The following SLC7A14 variants were observed in gnomAD, a reference collection of about 807,000 sequenced individuals.
SLC7A14 encodes the protein solute carrier family 7 member 14, also known as gamma-aminobutyric acid transporter SLC7A14.
SLC7A14 carries 37 observed loss-of-function variants against 60.2 expected under a neutral mutation model. The ratio of observed to expected loss-of-function variants is 0.61; its 90% CI spans 0.47 to 0.81. The LOEUF is 0.81. Ranked by LOEUF, SLC7A14 falls within the 30% of genes least tolerant of loss-of-function variation. SLC7A14 has a pLI of 0.00. For missense variants in SLC7A14, 886 were observed against 982.7 expected (o/e 0.90, Z 1.32); for synonymous variants, 399 against 395.8 (o/e 1.01, Z -0.10).
rs1479955846 is a variant in SLC7A14 at position 170,551,380 on chromosome 3, G to T, written c.-152-24292C>A. ...TGTGAGCATTCGTGTACAGATTTTT[G>T]TGTGGACATTCGTTTTCAGGTCTCT... is the stretch of plus-strand genomic sequence containing the variant. On this transcript the variant is annotated intron_variant, in intron 1 of 7. Coordinates refer to ENST00000231706, the MANE Select transcript of SLC7A14 (RefSeq NM_020949.3). 2.0e-5 allele frequency among the ~76,000 whole-genome samples: 3 copies of T among 152,088 alleles called. No homozygotes were observed. The East Asian group carries it at 5.8e-4, about 29-fold the overall frequency.
chr3:170,552,425 A>G (rs1157137994), intron 1 of SLC7A14, among the ~76,000 whole-genome samples: 2 of 152,204 alleles, frequency 1.3e-5, no homozygotes, highest in Non-Finnish European at 2.9e-5. Context: ...TATAGCACAT[A>G]TAAAATTTAT....
At chr3:170,540,943 A>C (rs1203588104) in intron 1 of SLC7A14, among the ~76,000 whole-genome samples, 1 of 152,240 alleles carries the variant, frequency 6.6e-6, no homozygotes, top group Non-Finnish European at 1.5e-5. Context: ...ATATGTAAAA[A>C]TATATCAGTT....
At position 170,526,732 on chromosome 3, in the gene SLC7A14, T is replaced by G. The variant is rs2108293707; in HGVS notation, c.205A>C (p.Thr69Pro). 1.2e-6 allele frequency: 2 copies of G among 1,614,198 alleles called. No individual in the cohort carries two copies. Among genetic ancestry groups the G allele is most frequent in the Non-Finnish European group, 1.7e-6 (2 of 1,180,026 alleles). The change falls in exon 2 of 8, where the codon ACT becomes CCT. Residue 69 changes from threonine to proline, a missense_variant. Thr to Pro is a conservative substitution (Grantham distance 38, BLOSUM62 -1). Coordinates refer to ENST00000231706, the MANE Select transcript of SLC7A14 (RefSeq NM_020949.3). ...AGGCCAGAGACCACATACATGCCAG[T>G]GCCCACACAGCTGCCAACGCCAAGA... ...ISLGVGSCVGTGMYVVSGLVA... is the reference protein window; with the variant it reads ...ISLGVGSCVGPGMYVVSGLVA...
At chr3:170,564,150 G>C (rs4955732) in intron 1 of SLC7A14, among the ~76,000 whole-genome samples, 50,323 of 152,052 alleles carry the variant, frequency 0.33, 8,546 homozygotes, top group East Asian at 0.39. Context: ...GAGTGGCGGG[G>C]TAATAAACAG....
intron 1 of SLC7A14, among the ~76,000 whole-genome samples, chr3:170,582,956 C>T (rs572296646): frequency 6.6e-6 from 1 of 152,234 alleles, no homozygotes; most frequent in African/African-American, 2.4e-5. Context: ...AGTGGAGCCA[C>T]CTACTTGACA....
intron 7 of SLC7A14, among the ~76,000 whole-genome samples, chr3:170,474,144 A>G (rs1038084661): frequency 2.0e-5 from 3 of 152,248 alleles, no homozygotes; most frequent in African/African-American, 7.2e-5. Flanking sequence ...GTGGGAGACT[A>G]GACAGCCACA....
At chr3:170,581,424 G>A (rs187102336) in intron 1 of SLC7A14, among the ~76,000 whole-genome samples, 1 of 152,098 alleles carries the variant, frequency 6.6e-6, no homozygotes, top group Non-Finnish European at 1.5e-5. Flanking sequence ...AAACAACTTA[G>A]ATTTCCTAGT....
intron 1 of SLC7A14, among the ~76,000 whole-genome samples, chr3:170,573,694 G>T (rs1715010273): frequency 6.6e-6 from 1 of 152,220 alleles, no homozygotes; most frequent in African/African-American, 2.4e-5. Flanking sequence ...GCGAAACAGA[G>T]AGAACAAGAC....
In SLC7A14 at chr3:170,538,114, C is replaced by A. The variant is rs547976904; in HGVS notation, c.-152-11026G>T. ...GTTCACATTAGTATTAACAAATTGG[C>A]TTCCCCAGGGTTGTGCAGGAAAATC... On this transcript the variant is annotated intron_variant, in intron 1 of 7. Transcript: ENST00000231706. 6.8e-4 allele frequency among the ~76,000 whole-genome samples: 103 copies of A among 152,302 alleles called. 1 individual carries two copies. The highest frequency in any genetic ancestry group is 2.5e-3 in the African/African-American group (102 of 41,566).
At chr3:170,569,494 A>C (rs9757242) in intron 1 of SLC7A14, among the ~76,000 whole-genome samples, 61,561 of 150,552 alleles carry the variant, frequency 0.41, 12,726 homozygotes, top group African/African-American at 0.49. Context: ...TGTCTCTGCC[A>C]GGCTTTGGTA....
rs1249461035 is a variant in SLC7A14, at chr3:170,466,351, T to C, written c.*704A>G. ...TGCCCTTCTGGCTTTTACCGCAAGATATGGTTATTTAATTTTCTTCTGGGC... is the reference window on the plus strand; with the variant it reads ...TGCCCTTCTGGCTTTTACCGCAAGACATGGTTATTTAATTTTCTTCTGGGC... On this transcript the variant is annotated 3_prime_UTR_variant, in exon 8 of 8. Transcript: ENST00000231706. 1 of 152,180 alleles carries C rather than the reference T, an allele frequency of 6.6e-6. No individual in the cohort carries two copies. The highest frequency in any genetic ancestry group is 1.5e-5 in the Non-Finnish European group (1 of 68,054). 9.4% of individuals were successfully genotyped at this position (152,180 alleles called of 1,614,324 possible). A position where few individuals can be genotyped will look rare whatever the true frequency, so the allele number is the denominator to read the frequency against.
chr3:170,512,756 C>T (rs1034835235), intron 2 of SLC7A14, among the ~76,000 whole-genome samples: 2 of 148,444 alleles, frequency 1.3e-5, no homozygotes, highest in South Asian at 2.2e-4. Context: ...CTCCGCCTCC[C>T]GGGTTCACGC....
chr3:170,532,061 C>G lies in SLC7A14; in HGVS notation c.-152-4973G>C, dbSNP rs551869574. 1.3e-5 allele frequency among the ~76,000 whole-genome samples: 2 copies of G among 152,276 alleles called. No homozygotes were observed. The highest frequency in any genetic ancestry group is 1.3e-4 in the Admixed American group (2 of 15,302). ...GTAAACAGCCAGTAATCATTCCTGC[C>G]TGATTTTGCAAATATGCTAAGGGAC... On this transcript the variant is annotated intron_variant, in intron 1 of 7. Coordinates refer to ENST00000231706, the MANE Select transcript of SLC7A14 (RefSeq NM_020949.3). The surrounding 1 kb of genome is among the most constrained non-coding windows in gnomAD (Gnocchi z 4.0).
At chr3:170,571,885 C>A (rs1384657073) in intron 1 of SLC7A14, among the ~76,000 whole-genome samples, 1 of 151,426 alleles carries the variant, frequency 6.6e-6, no homozygotes, top group Non-Finnish European at 1.5e-5. Context: ...ATGGTGAAAC[C>A]CCATCTCTAC....
intron 1 of SLC7A14, among the ~76,000 whole-genome samples, chr3:170,534,817 G>GC (rs1713789378): frequency 6.6e-6 from 1 of 152,094 alleles, no homozygotes; most frequent in Admixed American, 6.5e-5. Context: ...ATTTTTACCT[G>GC]GTCTGGGACA....
chr3:170,489,723 T>G (rs1577507413), intron 4 of SLC7A14, among the ~76,000 whole-genome samples: 1 of 152,162 alleles, frequency 6.6e-6, no homozygotes, highest in Non-Finnish European at 1.5e-5. Flanking sequence ...ATAAAGAAAA[T>G]GTGGGACATA....
At chr3:170,553,627 C>T (rs758045392) in intron 1 of SLC7A14, among the ~76,000 whole-genome samples, 16 of 152,226 alleles carry the variant, frequency 1.1e-4, no homozygotes, top group Admixed American at 6.5e-5. Flanking sequence ...TGGAAATGTC[C>T]GGTGGAGGAT....
intron 1 of SLC7A14, among the ~76,000 whole-genome samples, chr3:170,581,803 G>A (rs183387166): frequency 1.3e-5 from 2 of 152,242 alleles, no homozygotes; most frequent in East Asian, 3.9e-4. Flanking sequence ...CAACATCTTA[G>A]AGATGGAGAA....
chr3:170,513,615 T>C (rs1713055846), intron 2 of SLC7A14, among the ~76,000 whole-genome samples: 1 of 152,256 alleles, frequency 6.6e-6, no homozygotes, highest in Non-Finnish European at 1.5e-5. Flanking sequence ...AAGAATAGTA[T>C]ATAAAATGTC....
Sources: gnomAD v4.1 joint callset for allele counts (sites outside exome capture counted in the v4.1 genomes callset) on GRCh38, gnomAD v4.1.1 for gene constraint, Gnocchi (gnomAD v3.1) non-coding constraint, MANE v1.5 for transcripts, NCBI Gene and HGNC (gene_info 2026-07-23, HGNC 2026-07-21) for gene names.